CFHR2: variants seen among roughly 807,000 people sequenced by gnomAD.
The protein encoded by CFHR2 is complement factor H related 2, also known as complement factor H-related protein 2.
A neutral mutation model predicts 21.7 loss-of-function variants in CFHR2; 22 were observed. That is an observed-to-expected ratio of 1.01 (90% CI 0.72 to 1.45). The LOEUF (loss-of-function observed/expected upper bound fraction) is 1.45. Ranked by LOEUF, CFHR2 falls within the 40% of genes most tolerant of loss-of-function variation. The pLI, the probability that CFHR2 is intolerant of heterozygous loss-of-function variation, is 0.00. For missense variants in CFHR2, 294 were observed against 293.3 expected (o/e 1.00, Z -0.02); for synonymous variants, 98 against 97.4 (o/e 1.01, Z -0.04).
At chr1:196,951,652 T>C (rs1013856545) in intron 3 of CFHR2, among the ~76,000 whole-genome samples, 1 of 152,120 alleles carries the variant, frequency 6.6e-6, no homozygotes, top group East Asian at 1.9e-4. Flanking sequence ...TTCCGTCCTA[T>C]GCTTGCACAG....
At chr1:196,945,053 T>C (rs1246835103) in intron 1 of CFHR2, among the ~76,000 whole-genome samples, 1 of 145,634 alleles carries the variant, frequency 6.9e-6, no homozygotes, top group African/African-American at 2.5e-5. Flanking sequence ...ATTTTGTATT[T>C]TTAGTAGAGA....
intron 2 of CFHR2, 70 bp downstream of exon 2, chr1:196,949,719 A>T: frequency 1.9e-6 from 3 of 1,581,450 alleles, no homozygotes; most frequent in Non-Finnish European, 2.6e-6. Flanking sequence ...AGACAAGATC[A>T]TAAACACTTG....
At chr1:196,953,488 G>T (rs78099544) in intron 3 of CFHR2, among the ~76,000 whole-genome samples, 3 of 152,024 alleles carry the variant, frequency 2.0e-5, no homozygotes, top group Non-Finnish European at 2.9e-5. Flanking sequence ...TCACCAAATT[G>T]GCCAGGCTGG....
chr1:196,957,041 G>A (rs1183910026), intron 3 of CFHR2, among the ~76,000 whole-genome samples: 1 of 152,098 alleles, frequency 6.6e-6, no homozygotes, highest in Non-Finnish European at 1.5e-5. Context: ...TGTGGAGGGT[G>A]GTCATTGGCT....
At chr1:196,949,732 A>G in intron 2 of CFHR2, 83 bp downstream of exon 2, 1 of 1,550,704 alleles carries the variant, frequency 6.4e-7, no homozygotes, top group Non-Finnish European at 8.9e-7. Context: ...AACACTTGAT[A>G]ATCACAGGAG....
intron 2 of CFHR2, among the ~76,000 whole-genome samples, 189 bp from the exon 3 acceptor site, chr1:196,950,663 G>A (rs1160126999): frequency 3.3e-5 from 5 of 152,108 alleles, no homozygotes. Flanking sequence ...AGTAGAAACA[G>A]GGTTTCACCA....
chr1:196,948,236 T>C (rs1659590831), intron 1 of CFHR2, among the ~76,000 whole-genome samples: 1 of 152,144 alleles, frequency 6.6e-6, no homozygotes, highest in African/African-American at 2.4e-5. Flanking sequence ...AGTATTTGTA[T>C]ATAACCTGTG....
At chr1:196,951,271 C>T (rs1571489124) in intron 3 of CFHR2, among the ~76,000 whole-genome samples, 2 of 152,146 alleles carry the variant, frequency 1.3e-5, no homozygotes, top group East Asian at 3.9e-4. Context: ...TGAAGATAAT[C>T]CCTTGAAGTT....
intron 3 of CFHR2, among the ~76,000 whole-genome samples, chr1:196,951,446 A>G (rs1659723319): frequency 6.6e-6 from 1 of 152,186 alleles, no homozygotes; most frequent in South Asian, 2.1e-4. Flanking sequence ...TCTATTCAAT[A>G]AATCATCAAT....
At chr1:196,952,536 C>T (rs1434072532) in intron 3 of CFHR2, among the ~76,000 whole-genome samples, 4 of 152,170 alleles carry the variant, frequency 2.6e-5, no homozygotes, top group Non-Finnish European at 4.4e-5. Context: ...CTCTTCATTT[C>T]GTGGGATGAT....
Position 196,958,968 on chromosome 1 carries a change from G to A in CFHR2, c.701G>A (p.Gly234Asp), listed in dbSNP as rs1653012134. Residue 234 changes from glycine to aspartate, a missense_variant, in exon 5 of 5, where the codon GGT becomes GAT. Coordinates refer to ENST00000367415, the MANE Select transcript of CFHR2 (RefSeq NM_005666.4). ...TNQQKLYSRTGDIVEFVCKSG... is the reference protein window; with the variant it reads ...TNQQKLYSRTDDIVEFVCKSG... ...CAACAAAAGCTTTATTCAAGAACAGGTGACATAGTTGAATTTGTTTGTAAA... is the reference window on the plus strand; with the variant it reads ...CAACAAAAGCTTTATTCAAGAACAGATGACATAGTTGAATTTGTTTGTAAA... 4 of 1,608,896 alleles carry A rather than the reference G, an allele frequency of 2.5e-6. No individual in the cohort carries two copies. The highest frequency in any genetic ancestry group is 1.3e-5 in the African/African-American group (1 of 74,914).
chr1:196,954,038 T>C (rs1326172113), intron 3 of CFHR2, among the ~76,000 whole-genome samples: 7 of 152,226 alleles, frequency 4.6e-5, no homozygotes, highest in African/African-American at 1.7e-4. Context: ...TTTATAAACA[T>C]ACTAGTGATG....
chr1:196,957,890 G>T lies in CFHR2; in HGVS notation c.431-1G>T. Reference sequence around the variant, plus strand: ...CAGTAAATCAAATGATGTTTTTTTAGTTTCTGCAGAAAAATGTGGGCCCCC... The same window carrying T: ...CAGTAAATCAAATGATGTTTTTTTATTTTCTGCAGAAAAATGTGGGCCCCC... On this transcript the variant is annotated splice_acceptor_variant, in intron 3 of 4. Transcript: ENST00000367415. LOFTEE classifies it high-confidence loss of function. The T allele has an allele frequency of 6.2e-7, 1 of 1,604,584 alleles. No individual in the cohort carries two copies. Among genetic ancestry groups the T allele is most frequent in the Non-Finnish European group, 8.5e-7 (1 of 1,175,962 alleles).
At chr1:196,958,812 T>C (rs1653002777) in intron 4 of CFHR2, 69 bp from the exon 5 acceptor site, 1 of 1,021,138 alleles carries the variant, frequency 9.8e-7, no homozygotes, top group Non-Finnish European at 1.5e-6. Context: ...AACATTCTAC[T>C]TGAAAACCTG....
chr1:196,953,106 G>A (rs1652698129), intron 3 of CFHR2, among the ~76,000 whole-genome samples: 2 of 152,140 alleles, frequency 1.3e-5, no homozygotes, highest in Non-Finnish European at 2.9e-5. Flanking sequence ...TTCATGTAAG[G>A]TAACATTTTG....
At chr1:196,946,171 A>G (rs1157941367) in intron 1 of CFHR2, among the ~76,000 whole-genome samples, 2 of 152,246 alleles carry the variant, frequency 1.3e-5, no homozygotes, top group African/African-American at 4.8e-5. Context: ...ATGAGTGGTG[A>G]GTGAATGTGA....
intron 1 of CFHR2, among the ~76,000 whole-genome samples, chr1:196,949,132 A>G (rs1659628393): frequency 6.6e-6 from 1 of 152,218 alleles, no homozygotes; most frequent in Non-Finnish European, 1.5e-5. Flanking sequence ...GTAGATCAGG[A>G]AGATTTGCTA....
At position 196,959,523 on chromosome 1, in the gene CFHR2, G is replaced by A. The variant is rs1179806108; in HGVS notation, c.*443G>A. Reference sequence around the variant, plus strand: ...GGAATTATATCTAGACGTTACCCCAGGTATCTTGAAATGTCAATTCCTAAC... The same window carrying A: ...GGAATTATATCTAGACGTTACCCCAAGTATCTTGAAATGTCAATTCCTAAC... On this transcript the variant is annotated 3_prime_UTR_variant, in exon 5 of 5. Transcript: ENST00000367415. Among the ~76,000 whole-genome samples, 1 of 151,902 alleles carries A rather than the reference G, an allele frequency of 6.6e-6. No individual in the cohort carries two copies. Among genetic ancestry groups the A allele is most frequent in the African/African-American group, 2.4e-5 (1 of 41,386 alleles).
intron 1 of CFHR2, among the ~76,000 whole-genome samples, chr1:196,948,723 T>A (rs748918767): frequency 1.3e-5 from 2 of 152,148 alleles, no homozygotes; most frequent in Non-Finnish European, 2.9e-5. Flanking sequence ...ATATTTTTGA[T>A]CTGCAGTTGG....
Sources: allele counts gnomAD v4.1 joint callset (sites outside exome capture counted in the v4.1 genomes callset), GRCh38; gene constraint gnomAD v4.1.1; transcripts MANE v1.5; gene names NCBI Gene and HGNC (gene_info 2026-07-23, HGNC 2026-07-21).